ROR1: variants seen among roughly 807,000 people sequenced by gnomAD.
ROR1 encodes ROR family WNT receptor 1.
A neutral mutation model predicts 78.8 loss-of-function variants in ROR1; 19 were observed. That is an observed-to-expected ratio of 0.24 (90% CI 0.17 to 0.35). ROR1 has a LOEUF of 0.35. Among genes scored for constraint, ROR1 ranks in the 10% least tolerant of loss-of-function variants. The probability of loss-of-function intolerance (pLI) is 1.00; values close to 1 mark genes in which losing one functional copy is unlikely to be tolerated. For synonymous variants in ROR1, 386 were observed against 433.6 expected, an observed-to-expected ratio of 0.89 and a Z score of 1.36; for missense variants, 917 against 1,177.8, an observed-to-expected ratio of 0.78 and a Z score of 3.24.
chr1:63,874,968 C>A (rs1359376679), intron 1 of ROR1, among the ~76,000 whole-genome samples: 2 of 152,006 alleles, frequency 1.3e-5, no homozygotes, highest in Non-Finnish European at 2.9e-5. Flanking sequence ...TTTTAAGGTT[C>A]TGGGTATTGT....
At chr1:64,089,382 C>T (rs545596848) in intron 4 of ROR1, among the ~76,000 whole-genome samples, 22 of 151,940 alleles carry the variant, frequency 1.4e-4, no homozygotes, top group African/African-American at 4.8e-4. Flanking sequence ...GCTAATTTTT[C>T]GTATTTTTGG....
rs1422393499 is a variant in ROR1 at position 64,175,354 on chromosome 1, A to G, written c.1387-2074A>G. Among the ~76,000 whole-genome samples the G allele has an allele frequency of 3.3e-5, 5 of 152,250 alleles. No homozygotes were observed. The South Asian group carries it at 8.3e-4, about 25-fold the overall frequency. ...TGCAGACCTTCCCATACCAGTACAT[A>G]CGAAACGTCCTCATTCTTTTTTTTC... On this transcript the variant is annotated intron_variant, in intron 8 of 8. Coordinates refer to ENST00000371079, the MANE Select transcript of ROR1 (RefSeq NM_005012.4).
intron 1 of ROR1, among the ~76,000 whole-genome samples, chr1:63,833,536 C>CG (rs1424455804): frequency 6.6e-6 from 1 of 152,140 alleles, no homozygotes; most frequent in Admixed American, 6.5e-5. Flanking sequence ...CTGGCTAGCT[C>CG]GGGGACGAGC....
intron 2 of ROR1, among the ~76,000 whole-genome samples, chr1:64,038,756 T>C (rs558547377): frequency 1.3e-5 from 2 of 152,332 alleles, no homozygotes; most frequent in Middle Eastern, 6.8e-3. Context: ...CTATTTATAA[T>C]AGATAGCAAA....
chr1:63,907,291 T>C (rs961721325), intron 1 of ROR1, among the ~76,000 whole-genome samples: 2 of 152,154 alleles, frequency 1.3e-5, no homozygotes, highest in Non-Finnish European at 2.9e-5. Context: ...AGCATGGGGC[T>C]TGGGCGGCCG....
chr1:63,811,491 C>T (rs747518970), intron 1 of ROR1, among the ~76,000 whole-genome samples: 26 of 152,148 alleles, frequency 1.7e-4, no homozygotes, highest in Non-Finnish European at 2.8e-4. Context: ...TACTAGCCTG[C>T]CCTTGTGCCA....
At chr1:63,849,957 T>A (rs898822242) in intron 1 of ROR1, among the ~76,000 whole-genome samples, 1 of 152,254 alleles carries the variant, frequency 6.6e-6, no homozygotes, top group African/African-American at 2.4e-5. Flanking sequence ...AAGCTCCCAG[T>A]GTACCCCTCC....
chr1:64,024,237 T>G (rs1311335584), intron 2 of ROR1, among the ~76,000 whole-genome samples: 1 of 152,096 alleles, frequency 6.6e-6, no homozygotes, highest in East Asian at 1.9e-4. Flanking sequence ...TCCCAGCACT[T>G]TGAGAGGCTG....
intron 1 of ROR1, among the ~76,000 whole-genome samples, chr1:63,888,316 C>T (rs554399854): frequency 2.0e-5 from 3 of 152,214 alleles, no homozygotes; most frequent in East Asian, 3.9e-4. Context: ...AAAAGTCTGT[C>T]GTTAAGACTG....
At chr1:63,896,044 C>G (rs1439036533) in intron 1 of ROR1, among the ~76,000 whole-genome samples, 4 of 152,100 alleles carry the variant, frequency 2.6e-5, no homozygotes, top group Admixed American at 2.6e-4. Context: ...AACGCTTCCA[C>G]CTACAGTGCC....
At chr1:63,906,597 A>T (rs1318233902) in intron 1 of ROR1, among the ~76,000 whole-genome samples, 1 of 152,154 alleles carries the variant, frequency 6.6e-6, no homozygotes, top group Non-Finnish European at 1.5e-5. Flanking sequence ...ACCCAGGTGC[A>T]TCTGGGTGGG....
intron 1 of ROR1, among the ~76,000 whole-genome samples, chr1:63,836,898 A>G (rs1322663845): frequency 3.3e-5 from 5 of 152,122 alleles, no homozygotes; most frequent in East Asian, 1.9e-4. Context: ...AAGGCTGACA[A>G]CCACATAGAG....
chr1:64,157,226 CT>C (rs1194933984), intron 7 of ROR1, among the ~76,000 whole-genome samples: 2 of 152,180 alleles, frequency 1.3e-5, no homozygotes, highest in African/African-American at 4.8e-5. Context: ...CAGCCTCAAC[CT>C]TCTGGGCTCA....
chr1:64,039,265 G>A (rs1176152829), intron 2 of ROR1, among the ~76,000 whole-genome samples: 1 of 152,194 alleles, frequency 6.6e-6, no homozygotes, highest in Non-Finnish European at 1.5e-5. Flanking sequence ...TGAAACTGGA[G>A]TGTCAGCCTT....
At chr1:64,031,369 A>G (rs1312338395) in intron 2 of ROR1, among the ~76,000 whole-genome samples, 5 of 152,210 alleles carry the variant, frequency 3.3e-5, no homozygotes, top group African/African-American at 1.2e-4. Flanking sequence ...TGCTATCCTG[A>G]GTACATTCCA....
intron 1 of ROR1, among the ~76,000 whole-genome samples, chr1:63,988,863 A>G (rs1275870583): frequency 6.6e-6 from 1 of 152,170 alleles, no homozygotes; most frequent in Non-Finnish European, 1.5e-5. Context: ...GCACATGCAC[A>G]TTTTGTTTAT....
At chr1:63,996,712 G>A (rs1017788687) in intron 1 of ROR1, among the ~76,000 whole-genome samples, 18 of 151,826 alleles carry the variant, frequency 1.2e-4, no homozygotes, top group South Asian at 1.0e-3. Flanking sequence ...CCCCTTTCAC[G>A]CCTCACAGTT....
In ROR1 at chr1:64,140,279, C is replaced by G. The variant is rs182196435; in HGVS notation, c.781C>G (p.Gln261Glu). The G allele has an allele frequency of 6.2e-7, 1 of 1,614,128 alleles. No homozygotes were observed. The highest frequency in any genetic ancestry group is 2.2e-5 in the East Asian group (1 of 44,882). Reference protein sequence around the residue: ...ECEILENVLCQTEYIFARSNP... With the variant: ...ECEILENVLCETEYIFARSNP... ...TGAAATCCTGGAGAATGTCCTGTGT[C>G]AAACAGAGTACATTTTTGCAAGATC... Residue 261 changes from glutamine to glutamate, a missense_variant, in exon 6 of 9, where the codon CAA (glutamine) becomes GAA (glutamate). Gln to Glu is a conservative substitution (Grantham distance 29). Around this residue, in one of 3 missense-constraint regions of ROR1, gnomAD observed 835 missense variants for 1,069.8 expected, o/e 0.78. Coordinates refer to ENST00000371079, the MANE Select transcript of ROR1 (RefSeq NM_005012.4).
At chr1:64,134,688 G>A (rs993732993) in intron 4 of ROR1, among the ~76,000 whole-genome samples, 2 of 151,552 alleles carry the variant, frequency 1.3e-5, no homozygotes, top group Non-Finnish European at 2.9e-5. Context: ...GATTTAATAG[G>A]TCTAAGGTGG....
Sources: gnomAD v4.1 joint callset for allele counts (sites outside exome capture counted in the v4.1 genomes callset) on GRCh38, gnomAD v4.1.1 for gene constraint, gnomAD v4.1.1 regional missense constraint, MANE v1.5 for transcripts, NCBI Gene and HGNC (gene_info 2026-07-23, HGNC 2026-07-21) for gene names.